Variants in CFTR observed in about 807,000 individuals in gnomAD.
CFTR encodes CF transmembrane conductance regulator, also known as cystic fibrosis transmembrane conductance regulator.
Under a neutral mutation model 171.6 loss-of-function variants are expected in CFTR, and 181 were observed. The observed-to-expected ratio is 1.05, with a 90% CI of 0.93 to 1.19. CFTR has a LOEUF of 1.19. CFTR is among the 50% of genes most tolerant of loss of function. The pLI, the probability that CFTR is intolerant of heterozygous loss-of-function variation, is 0.00. For synonymous variants in CFTR, 583 were observed against 608.0 expected, an observed-to-expected ratio of 0.96 and a Z score of 0.60; for missense variants, 1,968 against 1,734.7, an observed-to-expected ratio of 1.13 and a Z score of -2.39.
chr7:117,483,734 C>T (rs35824078), intron 1 of CFTR, among the ~76,000 whole-genome samples: 2,270 of 144,708 alleles, frequency 0.016, 60 homozygotes, highest in African/African-American at 0.054. Flanking sequence ...GCCTGGCTAA[C>T]TTTTTTTTTT....
chr7:117,644,598 G>A (rs1792971032), intron 23 of CFTR, among the ~76,000 whole-genome samples: 1 of 152,092 alleles, frequency 6.6e-6, no homozygotes, highest in Admixed American at 6.6e-5. Context: ...ATATGAAACA[G>A]GAACTTTGAA....
chr7:117,561,754 C>T (rs993049395), intron 11 of CFTR, among the ~76,000 whole-genome samples: 1 of 152,024 alleles, frequency 6.6e-6, no homozygotes, highest in Non-Finnish European at 1.5e-5. Flanking sequence ...ATTGACATAT[C>T]AATAACAAAT....
intron 1 of CFTR, among the ~76,000 whole-genome samples, chr7:117,483,813 T>G (rs1798033216): frequency 6.6e-6 from 1 of 152,048 alleles, no homozygotes. Context: ...GGCCTCAAGT[T>G]ATCCTCCCAC....
rs750642366 is a variant in CFTR, at chr7:117,592,219, A to T, written c.2052A>T (p.Lys684Asn). 2 of 1,613,888 alleles carry T rather than the reference A, an allele frequency of 1.2e-6. No homozygotes were observed. The highest frequency in any genetic ancestry group is 1.7e-6 in the Non-Finnish European group (2 of 1,180,008). The change falls in exon 14 of 27, where the codon AAA becomes AAT. Residue 684 changes from lysine to asparagine, a missense_variant. Lys to Asn is a moderately conservative substitution (Grantham distance 94, BLOSUM62 0). Transcript: ENST00000003084. ...CTGTCTCCTGGACAGAAACAAAAAA[A>T]CAATCTTTTAAACAGACTGGAGAGT... ...DAPVSWTETK[K>N]QSFKQTGEFG...
intron 3 of CFTR, among the ~76,000 whole-genome samples, chr7:117,528,490 G>T (rs1798799501): frequency 8.7e-6 from 1 of 114,568 alleles, no homozygotes. Context: ...AAAAGCAATG[G>T]CAACAAAAGC....
In CFTR at chr7:117,664,809, G is replaced by GT. The variant is rs397508669; in HGVS notation, c.4086dup (p.Lys1363Ter). Reference sequence around the variant, plus strand: ...ATGTGCTTGGCTAGATCTGTTCTCAGTAAGGCGAAGATCTTGCTGCTTGAT... The same window carrying GT: ...ATGTGCTTGGCTAGATCTGTTCTCAGTTAAGGCGAAGATCTTGCTGCTTGAT... On this transcript the variant is annotated frameshift_variant, in exon 25 of 27. Transcript: ENST00000003084. LOFTEE classifies it high-confidence loss of function. 6.2e-7 allele frequency: 1 copy of GT among 1,614,048 alleles called. No homozygotes were observed. The highest frequency in any genetic ancestry group is 8.5e-7 in the Non-Finnish European group (1 of 1,179,932).
chr7:117,483,936 A>C (rs1798035263), intron 1 of CFTR, among the ~76,000 whole-genome samples: 1 of 152,192 alleles, frequency 6.6e-6, no homozygotes, highest in Non-Finnish European at 1.5e-5. Context: ...AGTATAATTA[A>C]AATTATACTA....
intron 3 of CFTR, among the ~76,000 whole-genome samples, chr7:117,510,544 A>G (rs1444759955): frequency 6.6e-6 from 1 of 152,200 alleles, no homozygotes; most frequent in Non-Finnish European, 1.5e-5. Flanking sequence ...TGTGTTCTCC[A>G]TTGCATGCTG....
At chr7:117,548,333 G>GGTGTGTGTGTGTGTGTGTGTGTGTGTGT (rs3034794) in intron 9 of CFTR, among the ~76,000 whole-genome samples, 1 of 144,080 alleles carries the variant, frequency 6.9e-6, no homozygotes, top group African/African-American at 2.6e-5. Flanking sequence ...AGGAGAAGAG[G>GGTGTGTGTGTGTGTGTGTGTGTGTGTGT]GTGTGTGTGT....
chr7:117,628,174 T>C (rs1341787937), intron 22 of CFTR, among the ~76,000 whole-genome samples: 7 of 152,182 alleles, frequency 4.6e-5, no homozygotes, highest in Non-Finnish European at 1.0e-4. Context: ...TGATACTTTT[T>C]TTCTAGCTTT....
chr7:117,629,646 A>T (rs1792707792), intron 22 of CFTR, among the ~76,000 whole-genome samples: 1 of 152,146 alleles, frequency 6.6e-6, no homozygotes, highest in East Asian at 1.9e-4. Context: ...GATTTCTTAG[A>T]AGGCCGGATA....
chr7:117,574,598 T>C (rs1355837361), intron 11 of CFTR, among the ~76,000 whole-genome samples: 1 of 152,116 alleles, frequency 6.6e-6, no homozygotes, highest in Non-Finnish European at 1.5e-5. Flanking sequence ...AACTTTCATA[T>C]GACAACATTC....
intron 14 of CFTR, among the ~76,000 whole-genome samples, chr7:117,593,886 G>C (rs561302003): frequency 1.3e-5 from 2 of 152,228 alleles, no homozygotes; most frequent in South Asian, 4.1e-4. Context: ...GTGCCACCAC[G>C]TCCAGCCTGA....
At chr7:117,500,689 T>G (rs1348925689) in intron 1 of CFTR, among the ~76,000 whole-genome samples, 1 of 152,178 alleles carries the variant, frequency 6.6e-6, no homozygotes, top group Non-Finnish European at 1.5e-5. Flanking sequence ...AGCATAAGCT[T>G]AATGGATTTT....
At chr7:117,565,490 T>C (rs1392233027) in intron 11 of CFTR, among the ~76,000 whole-genome samples, 1 of 151,988 alleles carries the variant, frequency 6.6e-6, no homozygotes, top group Non-Finnish European at 1.5e-5. Flanking sequence ...GTTTTGTAAA[T>C]GTACCTGAGT....
chr7:117,568,965 C>T (rs750136130), intron 11 of CFTR, among the ~76,000 whole-genome samples: 4 of 152,120 alleles, frequency 2.6e-5, no homozygotes, highest in South Asian at 2.1e-4. Flanking sequence ...TACTATCTGC[C>T]GAGGCAGGTT....
At chr7:117,583,262 G>T (rs1326066902) in intron 11 of CFTR, among the ~76,000 whole-genome samples, 1 of 151,922 alleles carries the variant, frequency 6.6e-6, no homozygotes, top group Non-Finnish European at 1.5e-5. Flanking sequence ...CTGAGATTTT[G>T]ATATACCCAT....
chr7:117,662,276 A>G (rs1793303265), intron 24 of CFTR, among the ~76,000 whole-genome samples: 1 of 152,218 alleles, frequency 6.6e-6, no homozygotes, highest in Non-Finnish European at 1.5e-5. Flanking sequence ...TATTTGATAA[A>G]TGAATGAATT....
chr7:117,500,891 A>G (rs1051530698), intron 1 of CFTR, among the ~76,000 whole-genome samples: 2 of 152,218 alleles, frequency 1.3e-5, no homozygotes, highest in Non-Finnish European at 2.9e-5. Context: ...ACGATGTGTC[A>G]TGGTGTAACA....
Sources: gnomAD v4.1 joint callset for allele counts (sites outside exome capture counted in the v4.1 genomes callset) on GRCh38, gnomAD v4.1.1 for gene constraint, MANE v1.5 for transcripts, NCBI Gene and HGNC (gene_info 2026-07-23, HGNC 2026-07-21) for gene names.